Variants in NLGN4X observed in about 807,000 individuals in gnomAD.
The protein encoded by NLGN4X is neuroligin-4, X-linked.
NLGN4X carries 3 observed loss-of-function variants against 40.3 expected under a neutral mutation model. The ratio of observed to expected loss-of-function variants is 0.07; its 90% CI spans 0.03 to 0.19. The LOEUF is 0.19. Ranked by LOEUF, NLGN4X falls within the 10% of genes least tolerant of loss-of-function variation. The probability of loss-of-function intolerance (pLI) is 1.00; values close to 1 mark genes in which losing one functional copy is unlikely to be tolerated. For missense variants in NLGN4X, 382 were observed against 708.3 expected (o/e 0.54, Z 5.23); for synonymous variants, 270 against 306.8 (o/e 0.88, Z 1.25).
chrX:5,931,306 G>A (rs2146865430), intron 3 of NLGN4X, among the ~76,000 whole-genome samples: 1 of 112,445 alleles, frequency 8.9e-6, no homozygotes, highest in East Asian at 2.8e-4. Context: ...GCTGATAAAT[G>A]AGCTGTGATA....
chrX:5,951,000 C>T (rs2034291674), intron 3 of NLGN4X, among the ~76,000 whole-genome samples: 1 of 112,293 alleles, frequency 8.9e-6, no homozygotes, highest in Non-Finnish European at 1.9e-5. Flanking sequence ...TCAGAATAAA[C>T]TTGTTCTGAG....
intron 1 of NLGN4X, among the ~76,000 whole-genome samples, chrX:6,220,337 A>G (rs988098219): frequency 4.2e-5 from 4 of 94,317 alleles, no homozygotes; most frequent in African/African-American, 1.6e-4. Context: ...CTCAGAGGAA[A>G]ATATTTCTCA....
At position 6,166,989 on chromosome X, in the gene NLGN4X, T is replaced by C. The variant is rs1308219335; in HGVS notation, c.-305-15218A>G. On this transcript the variant is annotated intron_variant, in intron 1 of 5. Transcript: ENST00000381095. Reference sequence around the variant, plus strand: ...CAAGAGGCTGAGGTGGGAGGATGGCTTGAGCTCGAGACGGGGAGGTTGGTG... The same window carrying C: ...CAAGAGGCTGAGGTGGGAGGATGGCCTGAGCTCGAGACGGGGAGGTTGGTG... 2.8e-5 allele frequency among the ~76,000 whole-genome samples: 3 copies of C among 105,806 alleles called. 1 individual carries two copies. The highest frequency in any genetic ancestry group is 1.9e-5 in the Non-Finnish European group (1 of 51,782). The allele number at this position is 105,806 out of a possible 115,157, so 91.9% of individuals were successfully genotyped here.
At chrX:6,020,896 C>G (rs1376263881) in intron 3 of NLGN4X, among the ~76,000 whole-genome samples, 1 of 110,457 alleles carries the variant, frequency 9.1e-6, no homozygotes, top group East Asian at 2.9e-4. Context: ...ACTGCAGCCT[C>G]GAACTCCTAG....
intron 3 of NLGN4X, among the ~76,000 whole-genome samples, chrX:5,945,959 A>G (rs1477812947): frequency 1.8e-5 from 2 of 111,891 alleles, no homozygotes; most frequent in African/African-American, 3.2e-5. Context: ...CATGACTTCC[A>G]TAGAACCAAG....
chrX:6,134,739 C>A (rs1373774236), intron 2 of NLGN4X, among the ~76,000 whole-genome samples: 1 of 112,284 alleles, frequency 8.9e-6, no homozygotes, highest in South Asian at 3.7e-4. Flanking sequence ...CGTGGACTTA[C>A]AGAGCTGCAC....
At chrX:6,146,231 C>G (rs1299115317) in intron 2 of NLGN4X, among the ~76,000 whole-genome samples, 1 of 112,207 alleles carries the variant, frequency 8.9e-6, no homozygotes, top group Non-Finnish European at 1.9e-5. Context: ...GTAACAACAG[C>G]AACGATTGAC....
chrX:6,160,896 AAATAT>A (rs1243473850), intron 1 of NLGN4X, among the ~76,000 whole-genome samples: 1 of 103,748 alleles, frequency 9.6e-6, no homozygotes, highest in East Asian at 2.9e-4. Flanking sequence ...GAATAATATA[AAATAT>A]ATTATTCTAT....
At chrX:5,894,478 G>T (rs2146690386) in intron 5 of NLGN4X, among the ~76,000 whole-genome samples, 1 of 111,872 alleles carries the variant, frequency 8.9e-6, no homozygotes, top group South Asian at 3.7e-4. Flanking sequence ...TTGCTAAAAT[G>T]GTACATATAG....
intron 5 of NLGN4X, among the ~76,000 whole-genome samples, chrX:5,899,690 C>CTTTTTTTT (rs72374207): frequency 2.1e-5 from 2 of 96,007 alleles, no homozygotes; most frequent in African/African-American, 3.7e-5. Context: ...GTCTTTTTTC[C>CTTTTTTTT]TTTTTTTTTT....
intron 3 of NLGN4X, among the ~76,000 whole-genome samples, chrX:5,910,018 C>T (rs1360770925): frequency 1.8e-5 from 2 of 111,594 alleles, no homozygotes; most frequent in South Asian, 3.7e-4. Flanking sequence ...TCAAGGCATA[C>T]GATTCTTAAT....
chrX:6,132,402 A>G (rs774548200), intron 2 of NLGN4X, among the ~76,000 whole-genome samples: 28 of 111,399 alleles, frequency 2.5e-4, no homozygotes, highest in East Asian at 1.4e-3. Context: ...AAGTTTCTCA[A>G]TATCAGAACT....
intron 2 of NLGN4X, among the ~76,000 whole-genome samples, chrX:6,099,153 A>G (rs1361262585): frequency 8.9e-6 from 1 of 112,079 alleles, no homozygotes; most frequent in Admixed American, 9.5e-5. Context: ...TAAATAAGAA[A>G]CTATGTCTTT....
chrX:6,061,857 A>C (rs752358824), intron 2 of NLGN4X: 1 of 111,741 alleles, frequency 8.9e-6, no homozygotes, highest in South Asian at 3.8e-4. Context: ...ACCCTGGACA[A>C]TTATGTTCAT....
chrX:5,956,854 A>G (rs2034508227), intron 3 of NLGN4X, among the ~76,000 whole-genome samples: 1 of 112,226 alleles, frequency 8.9e-6, no homozygotes, highest in South Asian at 3.7e-4. Flanking sequence ...GTGAGAGACA[A>G]TAGAATAGAA....
chrX:6,045,036 G>T (rs1464324678), intron 2 of NLGN4X, among the ~76,000 whole-genome samples: 1 of 112,133 alleles, frequency 8.9e-6, no homozygotes, highest in Admixed American at 9.5e-5. Context: ...TGTATTGAAA[G>T]AATTAAAATC....
At chrX:6,077,206 T>C (rs182136765) in intron 2 of NLGN4X, among the ~76,000 whole-genome samples, 7 of 111,707 alleles carry the variant, frequency 6.3e-5, no homozygotes, top group Non-Finnish European at 1.3e-4. Context: ...TTAAAATATA[T>C]TTTATATGAT....
intron 3 of NLGN4X, among the ~76,000 whole-genome samples, chrX:5,935,778 T>G (rs1265810044): frequency 8.9e-6 from 1 of 111,810 alleles, no homozygotes; most frequent in East Asian, 2.8e-4. Flanking sequence ...TCCAAGCATC[T>G]TCATGGTTAA....
chrX:6,221,424 T>TATATAC (rs1925696497), intron 1 of NLGN4X, among the ~76,000 whole-genome samples: 1 of 90,172 alleles, frequency 1.1e-5, no homozygotes, highest in African/African-American at 4.5e-5. Context: ...TATATATATA[T>TATATAC]ATATATTTGC....
Sources: gnomAD v4.1 joint callset for allele counts (sites outside exome capture counted in the v4.1 genomes callset) on GRCh38, gnomAD v4.1.1 for gene constraint, MANE v1.5 for transcripts, NCBI Gene and HGNC (gene_info 2026-07-23, HGNC 2026-07-21) for gene names.